Variants in DCC observed in about 807,000 individuals in gnomAD.
DCC encodes netrin receptor DCC.
Under a neutral mutation model 172.5 loss-of-function variants are expected in DCC, and 58 were observed. The ratio of observed to expected loss-of-function variants is 0.34; its 90% confidence interval spans 0.27 to 0.42. The LOEUF (loss-of-function observed/expected upper bound fraction) is 0.42, where lower values mean the gene tolerates loss of function less well. Ranked by LOEUF, DCC falls within the 10% of genes least tolerant of loss-of-function variation. The pLI, the probability that DCC is intolerant of heterozygous loss-of-function variation, is 1.00. For missense variants in DCC, 1,740 were observed against 1,791.0 expected, an observed-to-expected ratio of 0.97 and a Z score of 0.51; for synonymous variants, 709 against 644.5, an observed-to-expected ratio of 1.10 and a Z score of -1.52.
At chr18:53,449,265 A>T (rs2145147059) in intron 22 of DCC, among the ~76,000 whole-genome samples, 2 of 152,366 alleles carry the variant, frequency 1.3e-5, no homozygotes, top group South Asian at 4.1e-4. Flanking sequence ...TGTAATGACA[A>T]ACATGACTGA....
At chr18:53,329,550 T>A (rs1453823419) in intron 14 of DCC, among the ~76,000 whole-genome samples, 1 of 151,996 alleles carries the variant, frequency 6.6e-6, no homozygotes, top group Non-Finnish European at 1.5e-5. Context: ...TAACAAGATG[T>A]AAACAAATGT....
At chr18:52,965,642 C>T (rs956940656) in intron 5 of DCC, among the ~76,000 whole-genome samples, 4 of 152,066 alleles carry the variant, frequency 2.6e-5, no homozygotes, top group African/African-American at 7.2e-5. Context: ...CAATAAATGA[C>T]TTTAGAATTT....
chr18:53,382,798 T>C (rs750526944), intron 15 of DCC, among the ~76,000 whole-genome samples: 8 of 152,126 alleles, frequency 5.3e-5, no homozygotes, highest in Non-Finnish European at 1.2e-4. Flanking sequence ...CTACATTAGA[T>C]ATAATCTTAT....
intron 4 of DCC, 118 bp downstream of exon 4, chr18:52,923,975 A>T (rs2040162910): frequency 5.1e-6 from 4 of 777,004 alleles, no homozygotes; most frequent in Non-Finnish European, 8.9e-6. Flanking sequence ...TAATAATTGA[A>T]TATTTTTCCA....
At chr18:53,034,625 T>C (rs1477806878) in intron 5 of DCC, among the ~76,000 whole-genome samples, 1 of 152,050 alleles carries the variant, frequency 6.6e-6, no homozygotes, top group African/African-American at 2.4e-5. Context: ...CCTGTTCTTC[T>C]ACATTCTGTC....
chr18:53,350,576 T>C (rs2057779938), intron 15 of DCC, among the ~76,000 whole-genome samples: 1 of 151,120 alleles, frequency 6.6e-6, no homozygotes, highest in Non-Finnish European at 1.5e-5. Context: ...TTTTTGCCTC[T>C]CCATAATGTT....
At chr18:53,159,809 A>G (rs2054805590) in intron 8 of DCC, among the ~76,000 whole-genome samples, 1 of 152,174 alleles carries the variant, frequency 6.6e-6, no homozygotes. Context: ...ATAATGTATT[A>G]AATACGAATA....
intron 2 of DCC, among the ~76,000 whole-genome samples, chr18:52,856,555 G>A (rs566729373): frequency 6.8e-6 from 1 of 147,176 alleles, no homozygotes; most frequent in African/African-American, 2.5e-5. Flanking sequence ...GAACCCGGGA[G>A]GCGGAGCTTG....
In DCC at chr18:53,157,338, C is replaced by T; in HGVS notation, c.1262-18C>T. 6.2e-7 allele frequency: 1 copy of T among 1,613,350 alleles called. No individual in the cohort carries two copies. Among genetic ancestry groups the T allele is most frequent in the Non-Finnish European group, 8.5e-7 (1 of 1,179,390 alleles). ...ATGGCAGCGACACCTCTGATAGCCT[C>T]CTCTTCTTTCTCCTTAGCTATCCCA... is the stretch of plus-strand genomic sequence containing the variant. On this transcript the variant is annotated intron_variant, in intron 7 of 28. Coordinates refer to ENST00000442544, the MANE Select transcript of DCC (RefSeq NM_005215.4).
At chr18:52,640,828 A>T (rs917004156) in intron 1 of DCC, among the ~76,000 whole-genome samples, 1 of 152,102 alleles carries the variant, frequency 6.6e-6, no homozygotes, top group Non-Finnish European at 1.5e-5. Flanking sequence ...CCCCATCAAA[A>T]TACCACCATC....
At chr18:53,456,753 T>G (rs1270784336) in intron 23 of DCC, among the ~76,000 whole-genome samples, 1 of 152,202 alleles carries the variant, frequency 6.6e-6, no homozygotes, top group Non-Finnish European at 1.5e-5. Flanking sequence ...TAGGAGCACC[T>G]GAATACACAT....
intron 5 of DCC, among the ~76,000 whole-genome samples, chr18:52,956,942 T>C (rs1482868072): frequency 6.6e-6 from 1 of 152,106 alleles, no homozygotes; most frequent in African/African-American, 2.4e-5. Flanking sequence ...GTTCAATTTG[T>C]CAATAGCAAG....
At chr18:52,358,190 TAAAG>T (rs1480923059) in intron 1 of DCC, among the ~76,000 whole-genome samples, 3 of 152,170 alleles carry the variant, frequency 2.0e-5, no homozygotes, top group African/African-American at 7.2e-5. Flanking sequence ...TCTTCAAAAA[TAAAG>T]AAAGTGTGTG....
At chr18:53,451,796 T>C (rs1365509792) in intron 23 of DCC, among the ~76,000 whole-genome samples, 2 of 151,724 alleles carry the variant, frequency 1.3e-5, no homozygotes, top group Non-Finnish European at 2.9e-5. Flanking sequence ...AGATCTCTAG[T>C]TTACCTTCCA....
intron 12 of DCC, chr18:53,237,113 A>G (rs1287744485): frequency 1.3e-5 from 2 of 152,164 alleles, no homozygotes; most frequent in African/African-American, 4.8e-5. Flanking sequence ...TTCTACTGAG[A>G]GTACAGATCT....
At chr18:53,390,763 A>T (rs959019841) in intron 16 of DCC, among the ~76,000 whole-genome samples, 1 of 152,192 alleles carries the variant, frequency 6.6e-6, no homozygotes, top group Non-Finnish European at 1.5e-5. Flanking sequence ...TTCCCATTAT[A>T]TTATGGATCA....
At chr18:52,831,705 T>G (rs140095070) in intron 2 of DCC, among the ~76,000 whole-genome samples, 115 of 152,262 alleles carry the variant, frequency 7.6e-4, no homozygotes, top group African/African-American at 2.6e-3. Context: ...TATTGATCTA[T>G]CCATAGTTTT....
intron 1 of DCC, among the ~76,000 whole-genome samples, chr18:52,737,604 G>C (rs987543777): frequency 3.6e-4 from 55 of 152,130 alleles, no homozygotes; most frequent in Non-Finnish European, 1.5e-4. Flanking sequence ...GTACAGCGGG[G>C]AGTAGTAGCC....
intron 1 of DCC, among the ~76,000 whole-genome samples, chr18:52,656,083 TG>T (rs2035246713): frequency 1.1e-4 from 10 of 90,918 alleles, no homozygotes; most frequent in Admixed American, 1.0e-3. Context: ...TATATATATG[TG>T]TGTGTGTGTA....
Sources: allele counts gnomAD v4.1 joint callset (sites outside exome capture counted in the v4.1 genomes callset), GRCh38; gene constraint gnomAD v4.1.1; transcripts MANE v1.5; gene names NCBI Gene and HGNC (gene_info 2026-07-23, HGNC 2026-07-21).